CACNB4: variants seen among roughly 807,000 people sequenced by gnomAD.
CACNB4 encodes voltage-dependent L-type calcium channel subunit beta-4.
In CACNB4, 32 loss-of-function variants were observed where a neutral mutation model predicts 71.2. That is an observed-to-expected ratio of 0.45 (90% confidence interval 0.34 to 0.60). The LOEUF (loss-of-function observed/expected upper bound fraction) is 0.60, where lower values mean the gene tolerates loss of function less well. Among genes scored for constraint, CACNB4 ranks in the 20% least tolerant of loss-of-function variants. The probability of loss-of-function intolerance (pLI) is 0.01; values close to 1 mark genes in which losing one functional copy is unlikely to be tolerated. For synonymous variants in CACNB4, 231 were observed against 236.9 expected, an observed-to-expected ratio of 0.97 and a Z score of 0.23; for missense variants, 464 against 647.9, an observed-to-expected ratio of 0.72 and a Z score of 3.08.
intron 2 of CACNB4, among the ~76,000 whole-genome samples, chr2:152,023,521 G>C (rs1683796460): frequency 6.6e-6 from 1 of 151,952 alleles, no homozygotes; most frequent in African/African-American, 2.4e-5. Flanking sequence ...TGCAACCTCT[G>C]CCTCCCGGGT....
At chr2:151,950,530 C>G (rs1398070534) in intron 2 of CACNB4, among the ~76,000 whole-genome samples, 1 of 152,188 alleles carries the variant, frequency 6.6e-6, no homozygotes. Context: ...TGAATGTTCC[C>G]AGCAGCACTA....
chr2:152,049,900 T>C (rs950597872), intron 2 of CACNB4, among the ~76,000 whole-genome samples: 14 of 152,268 alleles, frequency 9.2e-5, no homozygotes, highest in Non-Finnish European at 1.8e-4. Flanking sequence ...GTCATTAACC[T>C]ACAGTGAGGA....
chr2:151,930,778 A>T (rs1004961403), intron 2 of CACNB4, among the ~76,000 whole-genome samples: 1 of 152,178 alleles, frequency 6.6e-6, no homozygotes, highest in Non-Finnish European at 1.5e-5. Flanking sequence ...TTACATATGT[A>T]TGTATATGTA....
chr2:151,846,755 A>T (rs761214675), intron 12 of CACNB4, among the ~76,000 whole-genome samples: 1 of 151,994 alleles, frequency 6.6e-6, no homozygotes, highest in Non-Finnish European at 1.5e-5. Context: ...GGTTTTCCCC[A>T]TGTTGCCCAG....
At chr2:151,954,947 A>G (rs138078443) in intron 2 of CACNB4, among the ~76,000 whole-genome samples, 19 of 135,282 alleles carry the variant, frequency 1.4e-4, no homozygotes, top group African/African-American at 4.5e-4. Flanking sequence ...TCCGCCTCCC[A>G]GGTTCATGCC....
chr2:152,014,737 A>C (rs1346165323), intron 2 of CACNB4, among the ~76,000 whole-genome samples: 3 of 152,092 alleles, frequency 2.0e-5, no homozygotes, highest in Non-Finnish European at 4.4e-5. Context: ...TCTCAAAAAA[A>C]AAAAAAATCA....
At chr2:151,870,199 T>C (rs1040790203) in intron 8 of CACNB4, 3 of 689,918 alleles carry the variant, frequency 4.3e-6, no homozygotes, top group East Asian at 2.7e-5. Context: ...CATTCTCTAT[T>C]ACTTCTAATA....
chr2:151,942,914 T>C (rs140461340), intron 2 of CACNB4, among the ~76,000 whole-genome samples: 1 of 152,340 alleles, frequency 6.6e-6, no homozygotes, highest in African/African-American at 2.4e-5. Context: ...CTGCTGAACA[T>C]AGACCCTTAT....
rs1468765224 is a variant in CACNB4, at chr2:152,084,790, T to TA, written c.147+13539dup. 6.6e-5 allele frequency among the ~76,000 whole-genome samples: 10 copies of TA among 151,892 alleles called. No homozygotes were observed. In the East Asian group the frequency reaches 1.7e-3, roughly 26 times the overall value. ...ATGCCTGGCTAATGTTTTTTTTTTT[T>TA]AATTTGTTTTGTTTTGTAGAGACAG... On this transcript the variant is annotated intron_variant, in intron 2 of 13. Transcript: ENST00000539935.
At chr2:152,036,893 T>C (rs781177960) in intron 2 of CACNB4, among the ~76,000 whole-genome samples, 2 of 152,214 alleles carry the variant, frequency 1.3e-5, no homozygotes, top group Non-Finnish European at 2.9e-5. Context: ...TCGAAGAGTT[T>C]CACCTGACAA....
At chr2:152,001,404 G>A (rs1682397662) in intron 2 of CACNB4, among the ~76,000 whole-genome samples, 1 of 151,648 alleles carries the variant, frequency 6.6e-6, no homozygotes, top group South Asian at 2.1e-4. Context: ...TAAAGAACGA[G>A]TCGGCCAGGC....
At chr2:152,003,444 T>TAAA (rs763364867) in intron 2 of CACNB4, among the ~76,000 whole-genome samples, 1 of 139,260 alleles carries the variant, frequency 7.2e-6, no homozygotes. Flanking sequence ...AGATTCCATC[T>TAAA]AAAAAAAAAA....
At chr2:152,002,004 G>C (rs1682450289) in intron 2 of CACNB4, among the ~76,000 whole-genome samples, 1 of 152,186 alleles carries the variant, frequency 6.6e-6, no homozygotes, top group Non-Finnish European at 1.5e-5. Flanking sequence ...ATTTCTCCAA[G>C]GAGTGATCCA....
intron 2 of CACNB4, among the ~76,000 whole-genome samples, chr2:151,957,344 C>G (rs530061778): frequency 5.0e-4 from 74 of 146,786 alleles, no homozygotes; most frequent in Non-Finnish European, 9.7e-4. Flanking sequence ...TCAATCATTT[C>G]TGACCATTCC....
chr2:151,987,296 T>C (rs1297121631), intron 2 of CACNB4, among the ~76,000 whole-genome samples: 1 of 152,198 alleles, frequency 6.6e-6, no homozygotes, highest in Non-Finnish European at 1.5e-5. Context: ...GGCAATGATA[T>C]TCTTTACAGT....
intron 13 of CACNB4, among the ~76,000 whole-genome samples, chr2:151,841,293 C>T (rs2099836167): frequency 6.6e-6 from 1 of 152,098 alleles, no homozygotes; most frequent in Non-Finnish European, 1.5e-5. Context: ...AATGGAGGGG[C>T]CAGGAGTGGT....
intron 5 of CACNB4, among the ~76,000 whole-genome samples, chr2:151,875,801 A>AC (rs577642933): frequency 0.013 from 908 of 71,200 alleles, 75 homozygotes; most frequent in African/African-American, 0.03. Context: ...CAGGGGGCTG[A>AC]CCCCCCACCT....
At chr2:152,079,423 T>C (rs1158780811) in intron 2 of CACNB4, among the ~76,000 whole-genome samples, 1 of 152,100 alleles carries the variant, frequency 6.6e-6, no homozygotes, top group African/African-American at 2.4e-5. Flanking sequence ...TTTAGAGAAG[T>C]ATTTATTATT....
chr2:151,968,933 A>T (rs942379231), intron 2 of CACNB4: 1 of 152,264 alleles, frequency 6.6e-6, no homozygotes, highest in African/African-American at 2.4e-5. Context: ...AATTCATGGG[A>T]TCTGATCGAT....
Sources: gnomAD v4.1 joint callset for allele counts (sites outside exome capture counted in the v4.1 genomes callset) on GRCh38, gnomAD v4.1.1 for gene constraint, MANE v1.5 for transcripts, NCBI Gene and HGNC (gene_info 2026-07-23, HGNC 2026-07-21) for gene names.